POMK: variants seen among roughly 807,000 people sequenced by gnomAD.
POMK encodes the protein Sugen kinase 196.
POMK carries 19 observed loss-of-function variants against 23.0 expected under a neutral mutation model. The ratio of observed to expected loss-of-function variants is 0.83; its 90% CI spans 0.58 to 1.21. The LOEUF (loss-of-function observed/expected upper bound fraction) is 1.21, where lower values mean the gene tolerates loss of function less well. Ranked by LOEUF, POMK falls within the 50% of genes most tolerant of loss-of-function variation. The pLI, the probability that POMK is intolerant of heterozygous loss-of-function variation, is 0.00. For synonymous variants in POMK, 173 were observed against 171.6 expected (o/e 1.01, Z -0.06); for missense variants, 410 against 431.3 (o/e 0.95, Z 0.44).
In POMK at chr8:43,097,597, A is replaced by G. The variant is rs980108407; in HGVS notation, c.-136A>G. ...GGAAAAACTGGGCGTCTGCTTGGGAATCTATTGTGGAAACCCAGGTGAGAG... is the reference window on the plus strand; with the variant it reads ...GGAAAAACTGGGCGTCTGCTTGGGAGTCTATTGTGGAAACCCAGGTGAGAG... On this transcript the variant is annotated 5_prime_UTR_variant, in exon 2 of 5. Coordinates refer to ENST00000331373, the MANE Select transcript of POMK (RefSeq NM_032237.5). 9.9e-5 allele frequency: 15 copies of G among 152,256 alleles called. No individual in the cohort carries two copies. Among genetic ancestry groups the G allele is most frequent in the African/African-American group, 3.4e-4 (14 of 41,542 alleles). 9.4% of individuals were successfully genotyped at this position (152,256 alleles called of 1,614,324 possible). A position where few individuals can be genotyped will look rare whatever the true frequency, so the allele number is the denominator to read the frequency against.
At chr8:43,101,684 G>C (rs1811446589) in intron 2 of POMK, among the ~76,000 whole-genome samples, 1 of 152,164 alleles carries the variant, frequency 6.6e-6, no homozygotes, top group Admixed American at 6.5e-5. Flanking sequence ...GTGTCAGAGT[G>C]ACTTTGATCC....
intron 4 of POMK, among the ~76,000 whole-genome samples, chr8:43,106,494 A>G (rs1422929993): frequency 7.5e-6 from 1 of 133,838 alleles, no homozygotes; most frequent in Non-Finnish European, 1.6e-5. Flanking sequence ...TTATAATCCC[A>G]TTGGTTTACT....
chr8:43,111,674 T>G (rs1300758675), intron 4 of POMK, among the ~76,000 whole-genome samples: 1 of 152,148 alleles, frequency 6.6e-6, no homozygotes, highest in Non-Finnish European at 1.5e-5. Flanking sequence ...CACCCCCCAG[T>G]AGGGGCAGAC....
intron 4 of POMK, among the ~76,000 whole-genome samples, chr8:43,109,968 C>T (rs1160908609): frequency 6.6e-6 from 1 of 152,220 alleles, no homozygotes; most frequent in Admixed American, 6.5e-5. Flanking sequence ...GGAAAAACTG[C>T]ATAACGTGAC....
chr8:43,106,509 C>CTTTTTTTT (rs1221471764), intron 4 of POMK, among the ~76,000 whole-genome samples: 6 of 115,214 alleles, frequency 5.2e-5, no homozygotes, highest in Non-Finnish European at 9.2e-5. Flanking sequence ...TTTACTTTTG[C>CTTTTTTTT]TTTTTTTTTT....
intron 4 of POMK, among the ~76,000 whole-genome samples, chr8:43,113,280 T>C (rs1044483062): frequency 8.1e-4 from 124 of 152,354 alleles, no homozygotes; most frequent in African/African-American, 2.3e-3. Context: ...TTTCACATAG[T>C]CTCATATTTC....
At chr8:43,115,958 G>C (rs576066947) in intron 4 of POMK, among the ~76,000 whole-genome samples, 3 of 152,316 alleles carry the variant, frequency 2.0e-5, no homozygotes, top group Non-Finnish European at 4.4e-5. Context: ...GCTGTTTTCT[G>C]TCTGGGCTGT....
chr8:43,109,741 C>G (rs982853187), intron 4 of POMK, among the ~76,000 whole-genome samples: 6 of 151,788 alleles, frequency 4.0e-5, no homozygotes, highest in African/African-American at 1.5e-4. Flanking sequence ...CAGGGTTTCA[C>G]TATGTTGGCC....
chr8:43,097,519 TAAAGAA>T lies in POMK; in HGVS notation c.-209_-204del. 6.6e-6 allele frequency: 1 copy of T among 152,096 alleles called. No homozygotes were observed. The highest frequency in any genetic ancestry group is 1.5e-5 in the Non-Finnish European group (1 of 68,006). 9.4% of individuals were successfully genotyped at this position (152,096 alleles called of 1,614,324 possible). On this transcript the variant is annotated splice_acceptor_variant and splice_polypyrimidine_tract_variant and 5_prime_UTR_variant and intron_variant, in exon 2 of 5. Coordinates refer to ENST00000331373, the MANE Select transcript of POMK (RefSeq NM_032237.5). LOFTEE classifies it low-confidence loss of function (5UTR_SPLICE). ...TTTTTTTCTCTGTGTGTGAAACACTTAAAGAAAAAGGATCCTGTTTGCTGTGTAATC... is the reference window on the plus strand; with the variant it reads ...TTTTTTTCTCTGTGTGTGAAACACTTAAAGGATCCTGTTTGCTGTGTAATC...
At chr8:43,110,938 G>A (rs1352698291) in intron 4 of POMK, among the ~76,000 whole-genome samples, 1 of 151,606 alleles carries the variant, frequency 6.6e-6, no homozygotes, top group Non-Finnish European at 1.5e-5. Context: ...AAAAGTCTTG[G>A]GGGTGAAGCC....
chr8:43,111,749 C>T (rs1811672911), intron 4 of POMK, among the ~76,000 whole-genome samples: 1 of 152,236 alleles, frequency 6.6e-6, no homozygotes, highest in South Asian at 2.1e-4. Flanking sequence ...CGGGCAGCAG[C>T]ATTTGCGGTT....
At chr8:43,095,218 C>T (rs1369820532) in intron 1 of POMK, among the ~76,000 whole-genome samples, 1 of 152,132 alleles carries the variant, frequency 6.6e-6, no homozygotes, top group East Asian at 1.9e-4. Flanking sequence ...AGTTCAGTGA[C>T]CTTAGATATA....
intron 4 of POMK, among the ~76,000 whole-genome samples, chr8:43,106,995 A>G (rs1811557140): frequency 6.6e-6 from 1 of 152,188 alleles, no homozygotes; most frequent in Admixed American, 6.5e-5. Context: ...CTGTCTGAGT[A>G]TATTCATGCA....
chr8:43,107,124 G>A (rs140850167), intron 4 of POMK, among the ~76,000 whole-genome samples: 1 of 152,056 alleles, frequency 6.6e-6, no homozygotes, highest in East Asian at 1.9e-4. Flanking sequence ...GATAAGGAGT[G>A]CAATTTCCAG....
At chr8:43,108,635 G>A (rs1328274926) in intron 4 of POMK, among the ~76,000 whole-genome samples, 1 of 152,082 alleles carries the variant, frequency 6.6e-6, no homozygotes, top group South Asian at 2.1e-4. Context: ...TTTAACTTCT[G>A]TTTGATATTT....
In POMK at chr8:43,103,571, G is replaced by A; in HGVS notation, c.23G>A (p.Ser8Asn). The change falls in exon 4 of 5, where the codon AGC (serine) becomes AAC (asparagine). Residue 8 changes from serine (S) to asparagine (N), a missense_variant. Physicochemically the swap from Ser to Asn is conservative, Grantham distance 46. Coordinates refer to ENST00000331373, the MANE Select transcript of POMK (RefSeq NM_032237.5). Reference sequence around the variant, plus strand: ...AACATGGAAAAGCAGCCCCAGAACAGCAGGAGAGGCCTCGCCCCCCGAGAG... The same window carrying A: ...AACATGGAAAAGCAGCCCCAGAACAACAGGAGAGGCCTCGCCCCCCGAGAG... MEKQPQN[S>N]RRGLAPREVP... 6.2e-7 allele frequency: 1 copy of A among 1,613,928 alleles called. No individual in the cohort carries two copies. The highest frequency in any genetic ancestry group is 8.5e-7 in the Non-Finnish European group (1 of 1,179,988).
chr8:43,114,240 C>T (rs1318457524), intron 4 of POMK, among the ~76,000 whole-genome samples: 1 of 152,250 alleles, frequency 6.6e-6, no homozygotes, highest in Non-Finnish European at 1.5e-5. Context: ...AGGCAGGCCT[C>T]CTTGAGCTGT....
At position 43,122,088 on chromosome 8, in the gene POMK, C is replaced by G. The variant is rs748829841; in HGVS notation, c.283-19C>G. On this transcript the variant is annotated intron_variant, in intron 4 of 4. Transcript: ENST00000331373. The stretch of plus-strand genomic sequence containing the variant: ...TAGGTGAGAGTTCAGGCCTGATGCT[C>G]TCTATGGCTTTGTTGCAGGTCTTTC... 6.8e-6 allele frequency: 11 copies of G among 1,611,042 alleles called. No individual in the cohort carries two copies. The highest frequency in any genetic ancestry group is 1.1e-5 in the South Asian group (1 of 90,644).
intron 4 of POMK, among the ~76,000 whole-genome samples, chr8:43,113,454 A>G (rs938833520): frequency 6.6e-6 from 1 of 152,114 alleles, no homozygotes; most frequent in Non-Finnish European, 1.5e-5. Context: ...CTTGGCTTTC[A>G]GCTCCATCAG....
Sources: gnomAD v4.1 joint callset for allele counts (sites outside exome capture counted in the v4.1 genomes callset) on GRCh38, gnomAD v4.1.1 for gene constraint, MANE v1.5 for transcripts, NCBI Gene and HGNC (gene_info 2026-07-23, HGNC 2026-07-21) for gene names.